Variants in CHD9 observed in about 807,000 individuals in gnomAD.
The protein encoded by CHD9 is ATP-dependent chromatin remodeler CHD9.
A neutral mutation model predicts 316.1 loss-of-function variants in CHD9; 77 were observed. That is an observed-to-expected ratio of 0.24 (90% CI 0.20 to 0.29). The LOEUF (loss-of-function observed/expected upper bound fraction) is 0.29, where lower values mean the gene tolerates loss of function less well. CHD9 is among the 10% of genes least tolerant of loss of function. The pLI, the probability that CHD9 is intolerant of heterozygous loss-of-function variation, is 1.00. For missense variants in CHD9, 2,763 were observed against 3,438.1 expected (o/e 0.80, Z 4.91); for synonymous variants, 1,129 against 1,158.3 (o/e 0.97, Z 0.51).
chr16:53,055,711 T>G (rs1245340876), intron 1 of CHD9, among the ~76,000 whole-genome samples: 1 of 152,164 alleles, frequency 6.6e-6, no homozygotes, highest in Non-Finnish European at 1.5e-5. Flanking sequence ...TCCTTTCTCA[T>G]GTGCCTTTTA....
Position 53,227,782 on chromosome 16 carries a change from T to C in CHD9, c.2168+179T>C, listed in dbSNP as rs374108427. ...GGAAAAGGGCCCATTTGAAAACCTT[T>C]CATGTTAAAATTGAATGATTTGGCC... On this transcript the variant is annotated intron_variant, in intron 7 of 38. Coordinates refer to ENST00000447540, the MANE Select transcript of CHD9 (RefSeq NM_001308319.2). 21 of 191,630 alleles carry C rather than the reference T, an allele frequency of 1.1e-4. No individual in the cohort carries two copies. In the East Asian group the frequency reaches 1.7e-3, roughly 15 times the overall value. 11.9% of individuals were successfully genotyped at this position (191,630 alleles called of 1,614,324 possible). A position where few individuals can be genotyped will look rare whatever the true frequency, so the allele number is the denominator to read the frequency against.
In CHD9 at chr16:53,306,840, C is replaced by A. The variant is rs532621616; in HGVS notation, c.6780+443C>A. ...TGTCGCCCAAGCTGGCTTACAGTGGCACAATCTCAGCTCACTGCAACCTCC... is the reference window on the plus strand; with the variant it reads ...TGTCGCCCAAGCTGGCTTACAGTGGAACAATCTCAGCTCACTGCAACCTCC... On this transcript the variant is annotated intron_variant, in intron 32 of 38. Coordinates refer to ENST00000447540, the MANE Select transcript of CHD9 (RefSeq NM_001308319.2). 4.6e-5 allele frequency among the ~76,000 whole-genome samples: 7 copies of A among 152,178 alleles called. No individual in the cohort carries two copies. In the East Asian group the frequency reaches 1.4e-3, roughly 29 times the overall value.
At chr16:53,061,595 T>C (rs146787911) in intron 1 of CHD9, among the ~76,000 whole-genome samples, 96 of 151,420 alleles carry the variant, frequency 6.3e-4, no homozygotes, top group African/African-American at 2.3e-3. Context: ...GGCAATTGGG[T>C]CTCCATCCCT....
Position 53,324,003 on chromosome 16 carries a change from A to G in CHD9, c.7819-17A>G, listed in dbSNP as rs1317100127. On this transcript the variant is annotated splice_polypyrimidine_tract_variant and intron_variant, in intron 38 of 38. Transcript: ENST00000447540. ...ATTTTCATGTAGGGATTATTAATGA[A>G]TATATATTTCTTCCAGGGATTTCTT... 3 of 1,578,638 alleles carry G rather than the reference A, an allele frequency of 1.9e-6. No individual in the cohort carries two copies. Among genetic ancestry groups the G allele is most frequent in the African/African-American group, 1.4e-5 (1 of 73,798 alleles).
At chr16:53,204,502 G>C (rs931137819) in intron 2 of CHD9, among the ~76,000 whole-genome samples, 3 of 152,184 alleles carry the variant, frequency 2.0e-5, no homozygotes, top group Admixed American at 6.5e-5. Flanking sequence ...GAGGCATGAA[G>C]TGCATGCATA....
intron 12 of CHD9, 54 bp from the exon 13 acceptor site, chr16:53,242,785 TA>T: frequency 2.7e-6 from 4 of 1,496,192 alleles, no homozygotes; most frequent in South Asian, 2.4e-5. Context: ...TTGACAGGAA[TA>T]AAAAATATGC....
intron 1 of CHD9, among the ~76,000 whole-genome samples, chr16:53,134,342 AT>A (rs2039561836): frequency 1.3e-5 from 2 of 152,154 alleles, no homozygotes. Context: ...TGGGATATAG[AT>A]TTCTTATATA....
intron 2 of CHD9, among the ~76,000 whole-genome samples, chr16:53,201,520 C>G (rs1417493858): frequency 1.3e-5 from 2 of 152,144 alleles, no homozygotes; most frequent in Non-Finnish European, 2.9e-5. Context: ...ATAATCTAGT[C>G]TGTTATATTT....
intron 1 of CHD9, among the ~76,000 whole-genome samples, chr16:53,085,186 T>C (rs2035356849): frequency 6.6e-6 from 1 of 151,986 alleles, no homozygotes; most frequent in African/African-American, 2.4e-5. Flanking sequence ...GAGGACTTGC[T>C]GTCTCCAGTC....
At chr16:53,239,988 A>C (rs1364874646) in intron 12 of CHD9, among the ~76,000 whole-genome samples, 4 of 152,188 alleles carry the variant, frequency 2.6e-5, no homozygotes, top group Non-Finnish European at 5.9e-5. Context: ...TTACAGGAGC[A>C]AAATCAGTTA....
intron 26 of CHD9, 112 bp from the exon 27 acceptor site, chr16:53,287,845 G>C: frequency 2.4e-6 from 2 of 816,962 alleles, no homozygotes; most frequent in Non-Finnish European, 4.2e-6. Flanking sequence ...CTAGAGAAGA[G>C]ACGTCAGTCT....
chr16:53,073,106 A>G (rs1238049605), intron 1 of CHD9, among the ~76,000 whole-genome samples: 2 of 152,194 alleles, frequency 1.3e-5, no homozygotes, highest in Non-Finnish European at 2.9e-5. Flanking sequence ...TGTAAAACTA[A>G]AACTCTGTAC....
At chr16:53,266,600 T>C (rs1238825747) in intron 20 of CHD9, among the ~76,000 whole-genome samples, 3 of 152,210 alleles carry the variant, frequency 2.0e-5, no homozygotes, top group Non-Finnish European at 4.4e-5. Flanking sequence ...AGCATTTGTT[T>C]AGTGACACAT....
intron 1 of CHD9, among the ~76,000 whole-genome samples, chr16:53,111,002 C>T (rs2152614699): frequency 6.6e-6 from 1 of 152,204 alleles, no homozygotes; most frequent in African/African-American, 2.4e-5. Flanking sequence ...AAGTTGACCC[C>T]TTTGCCAAGG....
chr16:53,264,973 A>C (rs1173290383), intron 20 of CHD9, among the ~76,000 whole-genome samples: 6 of 152,216 alleles, frequency 3.9e-5, no homozygotes, highest in Non-Finnish European at 8.8e-5. Context: ...TTTTGTAAAT[A>C]AACTTATATA....
chr16:53,189,181 G>T (rs187963826), intron 2 of CHD9, among the ~76,000 whole-genome samples: 15 of 151,840 alleles, frequency 9.9e-5, no homozygotes, highest in Admixed American at 3.9e-4. Flanking sequence ...GCCCTGACTA[G>T]AATTTTCAGA....
intron 2 of CHD9, chr16:53,168,742 G>A (rs2042454585): frequency 6.6e-6 from 1 of 152,240 alleles, no homozygotes. Context: ...GACTATTTTT[G>A]GGAGTGGAGG....
rs759714088 is a variant in CHD9, at chr16:53,285,582, T to C, written c.4968-14T>C. The C allele has an allele frequency of 5.2e-6, 8 of 1,537,348 alleles. No homozygotes were observed. In the African/African-American group the frequency reaches 1.1e-4, roughly 21 times the overall value. On this transcript the variant is annotated splice_polypyrimidine_tract_variant and intron_variant, in intron 24 of 38. Transcript: ENST00000447540. The stretch of plus-strand genomic sequence containing the variant: ...TATAATAATTCATAATGCCATATTA[T>C]GATTTTTTTAAAGTGACATTGATGT...
At chr16:53,256,381 CTTTTTTTTT>C (rs1163977563) in intron 19 of CHD9, among the ~76,000 whole-genome samples, 1 of 99,240 alleles carries the variant, frequency 1.0e-5, no homozygotes, top group African/African-American at 4.1e-5. Flanking sequence ...TTTTTCTTTT[CTTTTTTTTT>C]TTTTTTTTTT....
Sources: gnomAD v4.1 joint callset for allele counts (sites outside exome capture counted in the v4.1 genomes callset) on GRCh38, gnomAD v4.1.1 for gene constraint, MANE v1.5 for transcripts, NCBI Gene and HGNC (gene_info 2026-07-23, HGNC 2026-07-21) for gene names.